Variants in RAE1 observed in about 807,000 individuals in gnomAD.
The protein encoded by RAE1 is mRNA export factor RAE1.
A neutral mutation model predicts 52.7 loss-of-function variants in RAE1; 13 were observed. That is an observed-to-expected ratio of 0.25 (90% CI 0.16 to 0.39). The LOEUF (loss-of-function observed/expected upper bound fraction) is 0.39. Among genes scored for constraint, RAE1 ranks in the 10% least tolerant of loss-of-function variants. RAE1 has a pLI of 1.00. For missense variants in RAE1, 262 were observed against 459.8 expected (o/e 0.57, Z 3.93); for synonymous variants, 164 against 153.1 (o/e 1.07, Z -0.52).
chr20:57,353,585 A>G (rs572104193), intron 1 of RAE1, among the ~76,000 whole-genome samples: 1 of 152,398 alleles, frequency 6.6e-6, no homozygotes, highest in Non-Finnish European at 1.5e-5. Flanking sequence ...AGAAATTAGT[A>G]GGAAAGTGAA....
chr20:57,370,993 CT>C (rs1369120499), intron 8 of RAE1: 1 of 152,200 alleles, frequency 6.6e-6, no homozygotes, highest in Non-Finnish European at 1.5e-5. Context: ...GAGGTCACCC[CT>C]GATTGGAACT....
At chr20:57,374,341 A>G (rs774360549) in intron 10 of RAE1, among the ~76,000 whole-genome samples, 2 of 152,184 alleles carry the variant, frequency 1.3e-5, no homozygotes, top group African/African-American at 2.4e-5. Context: ...CTCAAAAGAA[A>G]CATTTTCCTG....
chr20:57,353,898 C>T (rs555556075), intron 1 of RAE1, 134 bp from the exon 2 acceptor site: 24 of 696,438 alleles, frequency 3.4e-5, no homozygotes, highest in African/African-American at 7.1e-5. Flanking sequence ...CTGCTCATTG[C>T]GCTCTTGTCT....
chr20:57,371,362 C>T (rs2067033096), intron 8 of RAE1: 1 of 152,156 alleles, frequency 6.6e-6, no homozygotes, highest in Non-Finnish European at 1.5e-5. Flanking sequence ...CCCTGCAACT[C>T]AATAGTGAGA....
chr20:57,354,630 T>G, intron 2 of RAE1, 82 bp from the exon 3 acceptor site: 2 of 961,102 alleles, frequency 2.1e-6, no homozygotes, highest in Non-Finnish European at 3.0e-6. Flanking sequence ...AAGGCCACCG[T>G]GAGGTAATTA....
At position 57,368,776 on chromosome 20, in the gene RAE1, T is replaced by C. The variant is rs1051452445; in HGVS notation, c.606T>C (p.Ser202=). Residue 202 remains serine (S), a synonymous_variant, in exon 8 of 12, where the codon TCT becomes TCC. Coordinates refer to ENST00000395841, the MANE Select transcript of RAE1 (RefSeq NM_003610.4). ...LIVYQLENQP[S]EFRRIESPLK... ...TCTATCAGCTAGAGAATCAACCTTC[T>C]GAATTCAGGAGGATAGAATCTCCAC... is the stretch of plus-strand genomic sequence containing the variant. The C allele has an allele frequency of 1.2e-6, 2 of 1,613,468 alleles. No individual in the cohort carries two copies. The highest frequency in any genetic ancestry group is 1.7e-6 in the Non-Finnish European group (2 of 1,179,772).
At position 57,366,799 on chromosome 20, in the gene RAE1, G is replaced by C. The variant is rs756741686; in HGVS notation, c.376-8G>C. Reference sequence around the variant, plus strand: ...CCTTGATCTGTTTTGTTTTTGTCTTGTTGAAAGCATGATGCTCCTGTTAAA... The same window carrying C: ...CCTTGATCTGTTTTGTTTTTGTCTTCTTGAAAGCATGATGCTCCTGTTAAA... On this transcript the variant is annotated splice_polypyrimidine_tract_variant and splice_region_variant and intron_variant, in intron 5 of 11. Coordinates refer to ENST00000395841, the MANE Select transcript of RAE1 (RefSeq NM_003610.4). 2.2e-5 allele frequency: 35 copies of C among 1,606,738 alleles called. No individual in the cohort carries two copies. In the East Asian group the frequency reaches 2.5e-4, roughly 11 times the overall value.
chr20:57,365,947 T>G (rs1033574900), intron 5 of RAE1, among the ~76,000 whole-genome samples: 3 of 152,178 alleles, frequency 2.0e-5, no homozygotes, highest in African/African-American at 7.2e-5. Flanking sequence ...GCAGAAGTAA[T>G]GAAGATAAGA....
chr20:57,356,331 G>C, intron 3 of RAE1, 115 bp from the exon 4 acceptor site: 2 of 635,610 alleles, frequency 3.1e-6, no homozygotes, highest in Non-Finnish European at 5.4e-6. Context: ...TAGATAATTA[G>C]GTTGCTATGA....
At chr20:57,375,052 C>T (rs1477682008) in intron 11 of RAE1, 6 of 702,988 alleles carry the variant, frequency 8.5e-6, no homozygotes, top group Non-Finnish European at 1.3e-5. Context: ...CTGCTCTGTT[C>T]CTGGGCACAG....
At chr20:57,353,312 CTA>C (rs1276042639) in intron 1 of RAE1, among the ~76,000 whole-genome samples, 2 of 152,188 alleles carry the variant, frequency 1.3e-5, no homozygotes, top group African/African-American at 4.8e-5. Flanking sequence ...TTAATGTTCT[CTA>C]TGTTTGCAGA....
intron 4 of RAE1, among the ~76,000 whole-genome samples, chr20:57,360,465 C>T (rs1055739153): frequency 1.3e-5 from 2 of 152,144 alleles, no homozygotes; most frequent in South Asian, 2.1e-4. Flanking sequence ...GAACAGGCTC[C>T]TCTAGAGGGA....
chr20:57,351,726 T>C (rs2066712411), intron 1 of RAE1: 3 of 985,392 alleles, frequency 3.0e-6, no homozygotes, highest in Non-Finnish European at 3.6e-6. Flanking sequence ...GTCAGATACA[T>C]GTCAGCTCCT....
intron 11 of RAE1, among the ~76,000 whole-genome samples, chr20:57,375,415 A>G (rs1323526629): frequency 1.3e-5 from 2 of 151,536 alleles, no homozygotes; most frequent in African/African-American, 4.9e-5. Flanking sequence ...ACTTTTCCCT[A>G]CCCTGCCCTG....
chr20:57,373,508 A>G lies in RAE1; in HGVS notation c.676A>G (p.Asn226Asp), dbSNP rs766502893. 6.2e-7 allele frequency: 1 copy of G among 1,614,148 alleles called. No homozygotes were observed. Among genetic ancestry groups the G allele is most frequent in the Non-Finnish European group, 8.5e-7 (1 of 1,180,016 alleles). Reference protein sequence around the residue: ...RCVAIFKDKQNKPTGFALGSI... With the variant: ...RCVAIFKDKQDKPTGFALGSI... ...TGTGGCTATTTTTAAAGACAAACAGAACAAGCCTACTGGTTTTGCCCTGGG... is the reference window on the plus strand; with the variant it reads ...TGTGGCTATTTTTAAAGACAAACAGGACAAGCCTACTGGTTTTGCCCTGGG... Residue 226 changes from asparagine (N) to aspartate (D), a missense_variant, in exon 9 of 12, where the codon AAC (asparagine) becomes GAC (aspartate). Transcript: ENST00000395841.
At position 57,360,658 on chromosome 20, in the gene RAE1, A is replaced by G. The variant is rs150061116; in HGVS notation, c.288+4120A>G. Among the ~76,000 whole-genome samples the G allele has an allele frequency of 9.2e-5, 14 of 152,284 alleles. No individual in the cohort carries two copies. In the East Asian group the frequency reaches 2.7e-3, roughly 29 times the overall value. On this transcript the variant is annotated intron_variant, in intron 4 of 11. Transcript: ENST00000395841. ...TACTTTCGTAGTATGTTTTATTTCA[A>G]CTGGAGTTTTTTACAACTTAGATGG...
intron 3 of RAE1, among the ~76,000 whole-genome samples, chr20:57,355,358 A>T (rs1480698264): frequency 6.6e-6 from 1 of 152,248 alleles, no homozygotes; most frequent in African/African-American, 2.4e-5. Context: ...CATGCTTGTA[A>T]TCAGATAAAT....
At chr20:57,375,379 G>T (rs371713839) in intron 11 of RAE1, among the ~76,000 whole-genome samples, 51 of 152,194 alleles carry the variant, frequency 3.4e-4, no homozygotes, top group African/African-American at 1.2e-3. Flanking sequence ...ACCCCACTCT[G>T]CCCTTTGCCC....
chr20:57,363,887 T>C (rs2066921031), intron 4 of RAE1, among the ~76,000 whole-genome samples: 1 of 152,124 alleles, frequency 6.6e-6, no homozygotes, highest in Non-Finnish European at 1.5e-5. Context: ...AGTGGAAAAT[T>C]GTGATGACTA....
Sources: allele counts gnomAD v4.1 joint callset (sites outside exome capture counted in the v4.1 genomes callset), GRCh38; gene constraint gnomAD v4.1.1; transcripts MANE v1.5; gene names NCBI Gene and HGNC (gene_info 2026-07-23, HGNC 2026-07-21).